The following NPSR1 variants were observed in gnomAD, a reference collection of about 807,000 sequenced individuals.
NPSR1 encodes the protein neuropeptide S receptor.
In NPSR1, 48 loss-of-function variants were observed where a neutral mutation model predicts 46.9. The observed-to-expected ratio is 1.02, with a 90% CI of 0.81 to 1.30. The LOEUF is 1.30. Among genes scored for constraint, NPSR1 ranks in the 50% most tolerant of loss-of-function variants. The probability of loss-of-function intolerance (pLI) is 0.00; values close to 1 mark genes in which losing one functional copy is unlikely to be tolerated. For missense variants in NPSR1, 450 were observed against 449.5 expected (o/e 1.00, Z -0.01); for synonymous variants, 176 against 168.1 (o/e 1.05, Z -0.36).
At chr7:34,778,425 T>C in intron 2 of NPSR1, 37 bp from the exon 3 acceptor site, 1 of 1,191,396 alleles carries the variant, frequency 8.4e-7, no homozygotes, top group East Asian at 2.5e-5. Flanking sequence ...AAAATAAAAA[T>C]AAACCCTGAA....
intron 8 of NPSR1, among the ~76,000 whole-genome samples, chr7:34,870,942 G>A (rs1791440232): frequency 6.6e-6 from 1 of 151,706 alleles, no homozygotes; most frequent in East Asian, 1.9e-4. Context: ...ATAGATGGAT[G>A]GATGGATGAA....
At chr7:34,711,795 G>A (rs1317207174) in intron 2 of NPSR1, among the ~76,000 whole-genome samples, 1 of 152,176 alleles carries the variant, frequency 6.6e-6, no homozygotes, top group African/African-American at 2.4e-5. Flanking sequence ...AGGCTTCCTA[G>A]GGGAGTGTTC....
At chr7:34,697,673 G>A (rs542921454) in intron 2 of NPSR1, among the ~76,000 whole-genome samples, 1 of 151,572 alleles carries the variant, frequency 6.6e-6, no homozygotes, top group African/African-American at 2.4e-5. Context: ...TTTTATTATT[G>A]TATTGTTATT....
chr7:34,861,990 A>G (rs1791200729), intron 8 of NPSR1, among the ~76,000 whole-genome samples: 1 of 152,016 alleles, frequency 6.6e-6, no homozygotes, highest in Non-Finnish European at 1.5e-5. Context: ...CAGAAATTCC[A>G]GCAAGAGCAT....
intron 7 of NPSR1, among the ~76,000 whole-genome samples, chr7:34,847,447 G>A (rs1169889133): frequency 6.6e-6 from 1 of 152,094 alleles, no homozygotes; most frequent in Non-Finnish European, 1.5e-5. Flanking sequence ...TGGCTCAGGT[G>A]ATTACTGAGG....
At chr7:34,793,156 C>T (rs1268706183) in intron 3 of NPSR1, among the ~76,000 whole-genome samples, 1 of 151,870 alleles carries the variant, frequency 6.6e-6, no homozygotes, top group African/African-American at 2.4e-5. Flanking sequence ...GTGAGACCCC[C>T]ATCTAGGAAA....
downstream of NPSR1, chr7:34,850,076 C>T (rs893659384): frequency 1.1e-5 from 9 of 824,576 alleles, no homozygotes; most frequent in African/African-American, 1.7e-4. Flanking sequence ...ATTTTTCCCC[C>T]AGTTTTGGAT....
rs201063902 is a variant in NPSR1 at position 34,844,922 on chromosome 7, C to G, written c.784C>G (p.Arg262Gly). ...TGGGAAACTGTGCAGCAGCTATAAC[C>G]GAGGACTCATCTCAAAGGCAAAAAT... Reference protein sequence around the residue: ...SDGKLCSSYNRGLISKAKIKA... With the variant: ...SDGKLCSSYNGGLISKAKIKA... The change falls in exon 7 of 9, where the codon CGA becomes GGA. Residue 262 changes from arginine (R) to glycine (G), a missense_variant. By Grantham distance (125) the Arg-to-Gly change is moderately radical. Coordinates refer to ENST00000360581, the MANE Select transcript of NPSR1 (RefSeq NM_207172.2). 6.2e-7 allele frequency: 1 copy of G among 1,611,550 alleles called. No individual in the cohort carries two copies. Among genetic ancestry groups the G allele is most frequent in the African/African-American group, 1.3e-5 (1 of 74,854 alleles).
intron 2 of NPSR1, among the ~76,000 whole-genome samples, chr7:34,776,918 G>A (rs923308241): frequency 2.6e-5 from 4 of 152,184 alleles, no homozygotes; most frequent in African/African-American, 9.7e-5. Context: ...CTCCTGTTGT[G>A]ACTGTGCTGG....
intron 3 of NPSR1, among the ~76,000 whole-genome samples, chr7:34,782,402 C>G (rs1264605125): frequency 6.6e-6 from 1 of 152,122 alleles, no homozygotes. Context: ...AGAACCTTAG[C>G]AGCCATCACC....
At chr7:34,773,763 C>T (rs1237331350) in intron 2 of NPSR1, among the ~76,000 whole-genome samples, 4 of 152,262 alleles carry the variant, frequency 2.6e-5, no homozygotes, top group East Asian at 1.9e-4. Context: ...TGTGGCCACT[C>T]GATTCATGTG....
At position 34,765,666 on chromosome 7, in the gene NPSR1, A is replaced by G. The variant is rs373284811; in HGVS notation, c.281-12796A>G. Among the ~76,000 whole-genome samples the G allele has an allele frequency of 3.3e-5, 5 of 152,370 alleles. No individual in the cohort carries two copies. The East Asian group carries it at 7.7e-4, about 24-fold the overall frequency. The stretch of plus-strand genomic sequence containing the variant: ...ATATTCACAATACCAAAGACATGGA[A>G]TCAACCTGAATGCCAATCAATGGAT... On this transcript the variant is annotated intron_variant, in intron 2 of 8. Coordinates refer to ENST00000360581, the MANE Select transcript of NPSR1 (RefSeq NM_207172.2).
At chr7:34,840,167 C>T (rs1790513341) in intron 6 of NPSR1, among the ~76,000 whole-genome samples, 1 of 151,962 alleles carries the variant, frequency 6.6e-6, no homozygotes, top group Non-Finnish European at 1.5e-5. Context: ...AAATACTTTC[C>T]TACTTGAAGG....
At chr7:34,744,406 C>T (rs1316055457) in intron 2 of NPSR1, among the ~76,000 whole-genome samples, 2 of 152,068 alleles carry the variant, frequency 1.3e-5, no homozygotes, top group Non-Finnish European at 2.9e-5. Context: ...ATGTGCCTAA[C>T]CTTGTGTCTG....
chr7:34,825,108 T>C (rs1789758673), intron 4 of NPSR1, among the ~76,000 whole-genome samples: 1 of 152,108 alleles, frequency 6.6e-6, no homozygotes, highest in African/African-American at 2.4e-5. Context: ...CCTTTTTAGG[T>C]ACCTCATGGC....
chr7:34,679,540 C>T (rs528890348), intron 1 of NPSR1, among the ~76,000 whole-genome samples: 37 of 152,038 alleles, frequency 2.4e-4, no homozygotes, highest in Non-Finnish European at 4.7e-4. Flanking sequence ...TGACTTTAAG[C>T]GAAACTACAT....
chr7:34,722,839 T>A (rs1351052699), intron 2 of NPSR1, among the ~76,000 whole-genome samples: 1 of 152,096 alleles, frequency 6.6e-6, no homozygotes, highest in Non-Finnish European at 1.5e-5. Flanking sequence ...AGAAGATCAG[T>A]CTGGGAGGAG....
At chr7:34,842,002 G>C (rs1790581417) in intron 6 of NPSR1, among the ~76,000 whole-genome samples, 1 of 152,162 alleles carries the variant, frequency 6.6e-6, no homozygotes, top group Non-Finnish European at 1.5e-5. Context: ...TTGTATAATA[G>C]ACAATCAAAC....
chr7:34,727,354 A>G (rs755952487), intron 2 of NPSR1, among the ~76,000 whole-genome samples: 5 of 152,340 alleles, frequency 3.3e-5, no homozygotes, highest in African/African-American at 4.8e-5. Flanking sequence ...TTAAAAAGTC[A>G]TTTTGAAAAA....
Sources: allele counts gnomAD v4.1 joint callset (sites outside exome capture counted in the v4.1 genomes callset), GRCh38; gene constraint gnomAD v4.1.1; transcripts MANE v1.5; gene names NCBI Gene and HGNC (gene_info 2026-07-23, HGNC 2026-07-21).